The following UNC13C variants were observed in gnomAD, a reference collection of about 807,000 sequenced individuals.
UNC13C encodes the protein unc-13 homolog C.
A neutral mutation model predicts 245.4 loss-of-function variants in UNC13C; 174 were observed. The ratio of observed to expected loss-of-function variants is 0.71; its 90% CI spans 0.63 to 0.80. UNC13C has a LOEUF of 0.80. Ranked by LOEUF, UNC13C falls within the 30% of genes least tolerant of loss-of-function variation. The pLI is 0.00. For synonymous variants in UNC13C, 992 were observed against 895.1 expected, an observed-to-expected ratio of 1.11 and a Z score of -1.93; for missense variants, 2,829 against 2,602.9, an observed-to-expected ratio of 1.09 and a Z score of -1.89.
At chr15:54,026,926 A>T (rs1896134290) in intron 2 of UNC13C, among the ~76,000 whole-genome samples, 1 of 152,172 alleles carries the variant, frequency 6.6e-6, no homozygotes, top group Non-Finnish European at 1.5e-5. Flanking sequence ...TAATTTTAAA[A>T]ATTACACAAA....
intron 16 of UNC13C, among the ~76,000 whole-genome samples, chr15:54,336,277 G>T (rs1364961796): frequency 6.6e-6 from 1 of 151,970 alleles, no homozygotes; most frequent in Non-Finnish European, 1.5e-5. Flanking sequence ...ACCTCACAAA[G>T]TTATCATATT....
intron 5 of UNC13C, among the ~76,000 whole-genome samples, chr15:54,235,972 C>T (rs2035686761): frequency 6.6e-6 from 1 of 151,526 alleles, no homozygotes; most frequent in Non-Finnish European, 1.5e-5. Context: ...TATGCTGCAG[C>T]CACCTTGATA....
chr15:54,235,624 G>A (rs765223877), intron 5 of UNC13C, among the ~76,000 whole-genome samples: 1 of 152,030 alleles, frequency 6.6e-6, no homozygotes, highest in African/African-American at 2.4e-5. Flanking sequence ...AGGCCGAGGC[G>A]GGCGGATCAT....
intron 17 of UNC13C, among the ~76,000 whole-genome samples, chr15:54,371,038 T>C (rs2039475567): frequency 6.6e-6 from 1 of 152,184 alleles, no homozygotes; most frequent in South Asian, 2.1e-4. Flanking sequence ...ATATCCACTC[T>C]CTTAGCACTT....
the UNC13C span, among the ~76,000 whole-genome samples, chr15:53,856,278 A>C: frequency 6.6e-6 from 1 of 150,966 alleles, no homozygotes; most frequent in Non-Finnish European, 1.5e-5. Context: ...TTGTATCTCT[A>C]TCTCCTTCAG....
chr15:54,575,268 T>A (rs1163435024), intron 30 of UNC13C, among the ~76,000 whole-genome samples: 3 of 152,178 alleles, frequency 2.0e-5, no homozygotes, highest in South Asian at 2.1e-4. Flanking sequence ...ACTCCTGACC[T>A]CAGGTGATCT....
chr15:54,493,157 A>C (rs1197295020), intron 19 of UNC13C, among the ~76,000 whole-genome samples: 1 of 152,192 alleles, frequency 6.6e-6, no homozygotes, highest in Non-Finnish European at 1.5e-5. Context: ...TTATCAAGTA[A>C]ATGTTTTCTC....
chr15:53,950,497 A>T, the UNC13C span, among the ~76,000 whole-genome samples: 1 of 151,840 alleles, frequency 6.6e-6, no homozygotes, highest in Non-Finnish European at 1.5e-5. Context: ...TTCCAGTATA[A>T]TTCTTCAGTA....
intron 17 of UNC13C, among the ~76,000 whole-genome samples, chr15:54,377,764 T>C (rs1247942024): frequency 6.6e-6 from 1 of 152,198 alleles, no homozygotes; most frequent in Non-Finnish European, 1.5e-5. Context: ...TGTAAGGGCA[T>C]TAATCCTCTT....
intron 26 of UNC13C, among the ~76,000 whole-genome samples, chr15:54,537,865 A>T (rs1399161894): frequency 6.6e-6 from 1 of 152,012 alleles, no homozygotes; most frequent in African/African-American, 2.4e-5. Flanking sequence ...TTAAATGTAA[A>T]ACCTAAAACT....
rs536127353 is a variant in UNC13C at position 54,426,617 on chromosome 15, G to A, written c.4933+11550G>A. Among the ~76,000 whole-genome samples, 288 of 151,770 alleles carry A rather than the reference G, an allele frequency of 1.9e-3. 2 individuals are homozygous for A. Among genetic ancestry groups the A allele is most frequent in the Non-Finnish European group, 3.1e-3 (213 of 67,800 alleles). On this transcript the variant is annotated intron_variant, in intron 19 of 32. Transcript: ENST00000260323. Reference sequence around the variant, plus strand: ...GTCAAGTCTATGTTTAAGGGAAGGGGACTACCCCAGAGGGGGTAAATAGTA... The same window carrying A: ...GTCAAGTCTATGTTTAAGGGAAGGGAACTACCCCAGAGGGGGTAAATAGTA...
chr15:54,167,602 G>GAAAAAAAAAGA (rs2033224241), intron 4 of UNC13C, among the ~76,000 whole-genome samples: 1 of 63,570 alleles, frequency 1.6e-5, no homozygotes, highest in African/African-American at 6.0e-5. Flanking sequence ...ATCCAAATAG[G>GAAAAAAAAAGA]AAAAAAAAAA....
At chr15:53,924,036 C>T in the UNC13C span, among the ~76,000 whole-genome samples, 2 of 152,234 alleles carry the variant, frequency 1.3e-5, no homozygotes, top group African/African-American at 4.8e-5. Context: ...AACCCCATCT[C>T]TACTAAAAAC....
chr15:54,197,976 A>G (rs988037451), intron 4 of UNC13C, among the ~76,000 whole-genome samples: 1 of 151,960 alleles, frequency 6.6e-6, no homozygotes, highest in African/African-American at 2.4e-5. Flanking sequence ...GTGCTGTTGG[A>G]GGGGTATGAT....
At chr15:54,510,514 A>G (rs1894687142) in intron 23 of UNC13C, among the ~76,000 whole-genome samples, 1 of 142,722 alleles carries the variant, frequency 7.0e-6, no homozygotes, top group Admixed American at 6.7e-5. Context: ...TGGGGGATAC[A>G]TCTCAGATAT....
At chr15:54,538,129 C>A (rs1596534783) in intron 26 of UNC13C, among the ~76,000 whole-genome samples, 3 of 4,080 alleles carry the variant, frequency 7.4e-4, no homozygotes, top group East Asian at 7.8e-3. Context: ...AATACATTAA[C>A]AAGCAAAAAA....
chr15:54,260,712 C>G (rs1175515652), intron 8 of UNC13C, among the ~76,000 whole-genome samples: 1 of 147,408 alleles, frequency 6.8e-6, no homozygotes, highest in Non-Finnish European at 1.5e-5. Flanking sequence ...GTCATATAAT[C>G]AAAATATATA....
intron 24 of UNC13C, among the ~76,000 whole-genome samples, chr15:54,516,401 T>C (rs1894976667): frequency 6.6e-6 from 1 of 152,158 alleles, no homozygotes; most frequent in African/African-American, 2.4e-5. Flanking sequence ...TTTGATTCAG[T>C]ACGTTTGGGG....
intron 4 of UNC13C, among the ~76,000 whole-genome samples, chr15:54,231,707 T>C (rs1335655653): frequency 1.3e-5 from 2 of 152,060 alleles, no homozygotes; most frequent in Non-Finnish European, 2.9e-5. Context: ...CTACAGTCAA[T>C]GACATCTTAA....
Sources: allele counts gnomAD v4.1 joint callset (sites outside exome capture counted in the v4.1 genomes callset), GRCh38; gene constraint gnomAD v4.1.1; transcripts MANE v1.5; gene names NCBI Gene and HGNC (gene_info 2026-07-23, HGNC 2026-07-21).